SPIC: variants seen among roughly 807,000 people sequenced by gnomAD.
SPIC encodes the protein transcription factor Spi-C.
A neutral mutation model predicts 16.7 loss-of-function variants in SPIC; 9 were observed. The observed-to-expected ratio is 0.54, with a 90% CI of 0.33 to 0.94. The LOEUF is 0.94. SPIC is among the 40% of genes least tolerant of loss of function. The pLI, the probability that SPIC is intolerant of heterozygous loss-of-function variation, is 0.03. For synonymous variants in SPIC, 97 were observed against 102.9 expected, an observed-to-expected ratio of 0.94 and a Z score of 0.35; for missense variants, 241 against 285.8, an observed-to-expected ratio of 0.84 and a Z score of 1.13.
At chr12:101,477,507 A>C (rs1872992397) in intron 2 of SPIC, 51 bp from the exon 3 acceptor site, 1 of 1,506,398 alleles carries the variant, frequency 6.6e-7, no homozygotes, top group Non-Finnish European at 9.2e-7. Flanking sequence ...CAGGGAGATT[A>C]AGTTTAATTG....
chr12:101,482,753 G>A, intron 4 of SPIC, 39 bp from the exon 5 acceptor site: 2 of 1,570,968 alleles, frequency 1.3e-6, no homozygotes, highest in African/African-American at 1.4e-5. Context: ...GGGCAACAGG[G>A]AAAGTCTCAC....
Position 101,482,796 on chromosome 12 carries a change from G to A in SPIC, c.215G>A (p.Ser72Asn). Residue 72 changes from serine (S) to asparagine (N), a missense_variant, in exon 5 of 6, where the codon AGT becomes AAT. Physicochemically the swap from Ser to Asn is conservative, Grantham distance 46. Transcript: ENST00000551346. ...PVYNWRTVINSAADFYFEGNI... is the reference protein window; with the variant it reads ...PVYNWRTVINNAADFYFEGNI... ...CCTGCTTCATTATTTATATAGAACAGTGCTGCGGACTTCTATTTTGAAGGA... is the reference window on the plus strand; with the variant it reads ...CCTGCTTCATTATTTATATAGAACAATGCTGCGGACTTCTATTTTGAAGGA... The A allele has an allele frequency of 1.9e-6, 3 of 1,613,544 alleles. No homozygotes were observed. Among genetic ancestry groups the A allele is most frequent in the Non-Finnish European group, 2.5e-6 (3 of 1,179,762 alleles).
In SPIC at chr12:101,479,302, AAGAAAAAAGAAAG is replaced by A. The variant is rs1204099248; in HGVS notation, c.98-278_98-266del. Among the ~76,000 whole-genome samples, 97 of 30,538 alleles carry A rather than the reference AAGAAAAAAGAAAG, an allele frequency of 3.2e-3. 2 individuals carry two copies. In the South Asian group the frequency reaches 0.041, roughly 13 times the overall value. 20.0% of individuals were successfully genotyped at this position (30,538 alleles called of 152,430 possible). Reference sequence around the variant, plus strand: ...AGAAAGAAAAAGAAAGAAAGAAAGAAAGAAAAAAGAAAGAAAGAAAGAAAGAAAGAAAGAAAGA... The same window carrying A: ...AGAAAGAAAAAGAAAGAAAGAAAGAAAAAGAAAGAAAGAAAGAAAGAAAGA... On this transcript the variant is annotated intron_variant, in intron 3 of 5. Transcript: ENST00000551346.
chr12:101,476,545 A>G (rs1455807066), intron 1 of SPIC, among the ~76,000 whole-genome samples: 4 of 152,122 alleles, frequency 2.6e-5, no homozygotes, highest in Non-Finnish European at 5.9e-5. Flanking sequence ...AAATACTTAT[A>G]TATACTTTTG....
At chr12:101,479,296 GAAAGAAAGA>G (rs1365544213) in intron 3 of SPIC, among the ~76,000 whole-genome samples, 58 of 41,660 alleles carry the variant, frequency 1.4e-3, no homozygotes, top group Admixed American at 2.6e-3. Context: ...AAGAAAGAAA[GAAAGAAAGA>G]AAAAAGAAAG....
chr12:101,479,612 A>G lies in SPIC; in HGVS notation c.128A>G (p.His43Arg), dbSNP rs558014260. The change falls in exon 4 of 6, where the codon CAT (histidine) becomes CGT (arginine). Residue 43 changes from histidine to arginine, a missense_variant. Transcript: ENST00000551346. ...AGAAATTACCTGGCTTTAATCAACC[A>G]TCGTCCTCATGTCAAAGGAAATTCC... ...DYRNYLALINHRPHVKGNSSC... is the reference protein window; with the variant it reads ...DYRNYLALINRRPHVKGNSSC... 3.1e-6 allele frequency: 5 copies of G among 1,613,288 alleles called. No individual in the cohort carries two copies. Among genetic ancestry groups the G allele is most frequent in the African/African-American group, 1.3e-5 (1 of 74,896 alleles).
At chr12:101,480,249 G>A (rs1422806435) in intron 4 of SPIC, among the ~76,000 whole-genome samples, 2 of 152,166 alleles carry the variant, frequency 1.3e-5, no homozygotes, top group Non-Finnish European at 2.9e-5. Context: ...GGATGACTTC[G>A]TAAAAAGGAG....
At chr12:101,480,356 G>T (rs984858319) in intron 4 of SPIC, among the ~76,000 whole-genome samples, 1 of 152,264 alleles carries the variant, frequency 6.6e-6, no homozygotes, top group South Asian at 2.1e-4. Flanking sequence ...GATCCAAACT[G>T]CCCCTGCACT....
At chr12:101,482,973 A>T in intron 5 of SPIC, 73 bp downstream of exon 5, 1 of 1,351,780 alleles carries the variant, frequency 7.4e-7, no homozygotes, top group Non-Finnish European at 1.0e-6. Flanking sequence ...AAGGGATTTT[A>T]TAACTGAGTT....
intron 3 of SPIC, among the ~76,000 whole-genome samples, chr12:101,479,006 G>A (rs376599931): frequency 3.0e-4 from 46 of 151,600 alleles, no homozygotes; most frequent in Middle Eastern, 3.4e-3. Context: ...GTGTGGTGGC[G>A]TGTGCCTGGA....
chr12:101,479,206 AAGAAAGAAAGAAAGAAGG>A (rs1873070039), intron 3 of SPIC, among the ~76,000 whole-genome samples: 1 of 130,818 alleles, frequency 7.6e-6, no homozygotes, highest in African/African-American at 2.8e-5. Flanking sequence ...GAAAGAAAGA[AAGAAAGAAAGAAAGAAGG>A]AAAGAAAGAA....
intron 4 of SPIC, among the ~76,000 whole-genome samples, chr12:101,480,351 A>G (rs929278907): frequency 6.6e-6 from 1 of 152,224 alleles, no homozygotes; most frequent in African/African-American, 2.4e-5. Context: ...GCAAAGATCC[A>G]AACTGCCCCT....
intron 4 of SPIC, among the ~76,000 whole-genome samples, chr12:101,482,156 T>G (rs1217829240): frequency 6.7e-6 from 1 of 149,304 alleles, no homozygotes. Flanking sequence ...CGCTTGAAAC[T>G]GGGAGGCGGA....
At position 101,476,840 on chromosome 12, in the gene SPIC, A is replaced by G; in HGVS notation, c.-65A>G. ...TAAACTTTTTCAGGATTGTCAACTT[A>G]TTTTATTTTATTTTCTTCAAGCAAC... On this transcript the variant is annotated 5_prime_UTR_variant, in exon 2 of 6. Transcript: ENST00000551346. 8.7e-7 allele frequency: 1 copy of G among 1,145,124 alleles called. No homozygotes were observed. The highest frequency in any genetic ancestry group is 1.2e-6 in the Non-Finnish European group (1 of 834,830). 70.9% of individuals were successfully genotyped at this position (1,145,124 alleles called of 1,614,324 possible). A position where few individuals can be genotyped will look rare whatever the true frequency, so the allele number is the denominator to read the frequency against.
At chr12:101,482,521 C>T (rs182689568) in intron 4 of SPIC, among the ~76,000 whole-genome samples, 166 of 152,222 alleles carry the variant, frequency 1.1e-3, no homozygotes, top group African/African-American at 3.5e-3. Flanking sequence ...CTGATGGTAC[C>T]ACAGACTTTA....
intron 4 of SPIC, among the ~76,000 whole-genome samples, chr12:101,480,767 A>G (rs1263218877): frequency 6.6e-6 from 1 of 152,162 alleles, no homozygotes; most frequent in East Asian, 1.9e-4. Flanking sequence ...AGGAAGGATC[A>G]CTTGAGCCCA....
intron 5 of SPIC, among the ~76,000 whole-genome samples, chr12:101,485,425 T>G (rs1158368303): frequency 1.3e-5 from 2 of 152,252 alleles, no homozygotes; most frequent in Admixed American, 1.3e-4. Flanking sequence ...CTAGTGGCAC[T>G]ATTTATTCCA....
At chr12:101,481,895 C>T (rs1368596452) in intron 4 of SPIC, among the ~76,000 whole-genome samples, 1 of 144,814 alleles carries the variant, frequency 6.9e-6, no homozygotes, top group South Asian at 2.2e-4. Flanking sequence ...TCAGGCGATC[C>T]GCCCGCCTCG....
At chr12:101,485,113 G>T (rs1052886988) in intron 5 of SPIC, among the ~76,000 whole-genome samples, 53 of 152,198 alleles carry the variant, frequency 3.5e-4, no homozygotes, top group African/African-American at 1.2e-3. Context: ...GTCTTTGGAT[G>T]AGTGATAAAT....
Sources: allele counts gnomAD v4.1 joint callset (sites outside exome capture counted in the v4.1 genomes callset), GRCh38; gene constraint gnomAD v4.1.1; transcripts MANE v1.5; gene names NCBI Gene and HGNC (gene_info 2026-07-23, HGNC 2026-07-21).